Variants in NCALD observed in about 807,000 individuals in gnomAD.
NCALD encodes neurocalcin delta.
Under a neutral mutation model 18.6 loss-of-function variants are expected in NCALD, and 10 were observed. That is an observed-to-expected ratio of 0.54 (90% CI 0.33 to 0.91). The LOEUF (loss-of-function observed/expected upper bound fraction) is 0.91, where lower values mean the gene tolerates loss of function less well. NCALD is among the 40% of genes least tolerant of loss of function. The probability of loss-of-function intolerance (pLI) is 0.03; values close to 1 mark genes in which losing one functional copy is unlikely to be tolerated. For synonymous variants in NCALD, 88 were observed against 87.4 expected, an observed-to-expected ratio of 1.01 and a Z score of -0.04; for missense variants, 184 against 247.6, an observed-to-expected ratio of 0.74 and a Z score of 1.72.
chr8:101,694,083 G>A (rs1299603396), intron 2 of NCALD: 1 of 152,178 alleles, frequency 6.6e-6, no homozygotes, highest in Non-Finnish European at 1.5e-5. Flanking sequence ...TTTTTATTTG[G>A]GAAGAGGAAT....
chr8:101,690,220 T>G (rs576183539), intron 3 of NCALD: 1 of 982,274 alleles, frequency 1.0e-6, no homozygotes, highest in Non-Finnish European at 1.2e-6. Flanking sequence ...GGGGTAGGAG[T>G]TGGGGGACTG....
intron 1 of NCALD, among the ~76,000 whole-genome samples, chr8:102,102,055 T>TA (rs1174883141): frequency 1.3e-5 from 2 of 152,260 alleles, no homozygotes; most frequent in Non-Finnish European, 2.9e-5. Flanking sequence ...TAATCAATTT[T>TA]ATTTGTAGTG....
At chr8:102,051,475 A>G (rs919243487) in intron 1 of NCALD, among the ~76,000 whole-genome samples, 1 of 152,060 alleles carries the variant, frequency 6.6e-6, no homozygotes, top group East Asian at 1.9e-4. Context: ...CAATTTACCT[A>G]TTCACCTCAA....
chr8:102,085,067 G>C lies in NCALD; in HGVS notation c.-210+39170C>G, dbSNP rs147877693. On this transcript the variant is annotated intron_variant, in intron 1 of 6. Coordinates refer to the NCALD transcript ENST00000311028. ...CAGAGCTATTCCCCCATTCCTGCAGGGTCTGTACATGCACACGCCTGGTTG... is the reference window on the plus strand; with the variant it reads ...CAGAGCTATTCCCCCATTCCTGCAGCGTCTGTACATGCACACGCCTGGTTG... 6.2e-3 allele frequency among the ~76,000 whole-genome samples: 945 copies of C among 152,182 alleles called. 7 individuals carry two copies. The highest frequency in any genetic ancestry group is 0.021 in the African/African-American group (887 of 41,532).
chr8:101,849,926 A>T (rs1330328667), intron 4 of NCALD, among the ~76,000 whole-genome samples: 1 of 152,186 alleles, frequency 6.6e-6, no homozygotes, highest in East Asian at 1.9e-4. Context: ...GAATTCAGGA[A>T]GTTCTTCTAC....
At chr8:101,730,331 T>C (rs1350291155) in intron 1 of NCALD, among the ~76,000 whole-genome samples, 1 of 151,496 alleles carries the variant, frequency 6.6e-6, no homozygotes, top group African/African-American at 2.4e-5. Context: ...AATACAAAAA[T>C]TAGCCAGGGG....
At chr8:102,034,272 G>A (rs1822785655) in intron 1 of NCALD, among the ~76,000 whole-genome samples, 1 of 152,110 alleles carries the variant, frequency 6.6e-6, no homozygotes, top group Non-Finnish European at 1.5e-5. Flanking sequence ...CCTGTAAGGG[G>A]AATTAACATC....
intron 1 of NCALD, among the ~76,000 whole-genome samples, chr8:102,052,403 T>A (rs1823486997): frequency 6.6e-6 from 1 of 152,230 alleles, no homozygotes; most frequent in Non-Finnish European, 1.5e-5. Flanking sequence ...CCCTCTTGAC[T>A]GCCTGGACAG....
chr8:102,034,888 T>C (rs770659660), intron 1 of NCALD, among the ~76,000 whole-genome samples: 1 of 152,182 alleles, frequency 6.6e-6, no homozygotes, highest in Non-Finnish European at 1.5e-5. Flanking sequence ...GTAGTGTTCA[T>C]TGTATTCACA....
At chr8:101,954,805 T>TATC (rs1563930027) in intron 2 of NCALD, among the ~76,000 whole-genome samples, 1 of 152,332 alleles carries the variant, frequency 6.6e-6, no homozygotes, top group South Asian at 2.1e-4. Flanking sequence ...GAATCATCAT[T>TATC]ATCATCATCA....
chr8:101,834,922 T>C (rs980035387), intron 4 of NCALD, among the ~76,000 whole-genome samples: 13 of 152,242 alleles, frequency 8.5e-5, no homozygotes, highest in Non-Finnish European at 1.9e-4. Context: ...GTGAAGCACC[T>C]GAAGTCCTCA....
At chr8:101,784,025 C>T (rs1449232228) in intron 1 of NCALD, among the ~76,000 whole-genome samples, 2 of 152,148 alleles carry the variant, frequency 1.3e-5, no homozygotes, top group African/African-American at 4.8e-5. Context: ...AAATTACCCC[C>T]CCACACCCCA....
chr8:102,041,053 T>G (rs770117612), intron 1 of NCALD, among the ~76,000 whole-genome samples: 3 of 152,232 alleles, frequency 2.0e-5, no homozygotes, highest in African/African-American at 4.8e-5. Context: ...ATCTCTCACC[T>G]ATTCTGCTAA....
At chr8:101,724,137 C>T (rs1465659046) in intron 1 of NCALD, among the ~76,000 whole-genome samples, 1 of 152,222 alleles carries the variant, frequency 6.6e-6, no homozygotes, top group Non-Finnish European at 1.5e-5. Flanking sequence ...TCTCTGCTCA[C>T]ACTTAACATT....
intron 2 of NCALD, among the ~76,000 whole-genome samples, chr8:101,948,096 T>C (rs961461761): frequency 9.8e-5 from 15 of 152,300 alleles, no homozygotes; most frequent in African/African-American, 3.6e-4. Context: ...GGAAAATATG[T>C]GATGGGTTTT....
chr8:102,030,593 A>T (rs769668628), intron 1 of NCALD, among the ~76,000 whole-genome samples: 11 of 152,168 alleles, frequency 7.2e-5, no homozygotes, highest in Non-Finnish European at 1.6e-4. Flanking sequence ...CCAAAAAGTA[A>T]ATAAGGGGCT....
At chr8:101,907,467 G>A (rs911761906) in intron 3 of NCALD, among the ~76,000 whole-genome samples, 1 of 150,978 alleles carries the variant, frequency 6.6e-6, no homozygotes, top group African/African-American at 2.4e-5. Flanking sequence ...AAAATAAGAG[G>A]TTTATTAAAT....
chr8:101,942,168 C>T (rs181697194), intron 2 of NCALD, among the ~76,000 whole-genome samples: 19 of 152,264 alleles, frequency 1.2e-4, no homozygotes, highest in African/African-American at 3.6e-4. Flanking sequence ...CACCCATTCT[C>T]GGAACTAGAA....
upstream of NCALD, among the ~76,000 whole-genome samples, chr8:101,794,037 T>A (rs1259443283): frequency 2.0e-5 from 3 of 152,210 alleles, no homozygotes; most frequent in African/African-American, 7.2e-5. Flanking sequence ...TCAAATTTCA[T>A]CTTTTTATGG....
Sources: allele counts gnomAD v4.1 joint callset (sites outside exome capture counted in the v4.1 genomes callset), GRCh38; gene constraint gnomAD v4.1.1; transcripts MANE v1.5; gene names NCBI Gene and HGNC (gene_info 2026-07-23, HGNC 2026-07-21).